RTTN: variants seen among roughly 807,000 people sequenced by gnomAD.
RTTN encodes the protein rotatin.
In RTTN, 182 loss-of-function variants were observed where a neutral mutation model predicts 269.2. The observed-to-expected ratio is 0.68, with a 90% CI of 0.60 to 0.76. The LOEUF is 0.76. RTTN is among the 30% of genes least tolerant of loss of function. The probability of loss-of-function intolerance (pLI) is 0.00; values close to 1 mark genes in which losing one functional copy is unlikely to be tolerated. For missense variants in RTTN, 2,545 were observed against 2,608.6 expected, an observed-to-expected ratio of 0.98 and a Z score of 0.53; for synonymous variants, 1,006 against 963.5, an observed-to-expected ratio of 1.04 and a Z score of -0.82.
chr18:70,095,998 G>GTT (rs111933421), intron 28 of RTTN, among the ~76,000 whole-genome samples: 1,802 of 138,070 alleles, frequency 0.013, 22 homozygotes, highest in South Asian at 0.04. Context: ...ATTCCCTTTT[G>GTT]TTTTTTTTTT....
At chr18:70,067,457 C>A (rs1371959896) in intron 34 of RTTN, among the ~76,000 whole-genome samples, 1 of 152,196 alleles carries the variant, frequency 6.6e-6, no homozygotes, top group Non-Finnish European at 1.5e-5. Context: ...CCGCGCCCAG[C>A]AAGCTTGTTT....
intron 46 of RTTN, among the ~76,000 whole-genome samples, chr18:70,010,304 G>A (rs781681160): frequency 2.6e-5 from 4 of 152,070 alleles, no homozygotes; most frequent in East Asian, 1.9e-4. Context: ...GCACCACATC[G>A]CACTTATTCT....
At chr18:70,178,493 C>T (rs1224376682) in intron 10 of RTTN, among the ~76,000 whole-genome samples, 1 of 151,948 alleles carries the variant, frequency 6.6e-6, no homozygotes, top group Non-Finnish European at 1.5e-5. Flanking sequence ...AATGGTTGTA[C>T]AACAATGTCA....
chr18:70,054,916 A>G (rs185532552), intron 37 of RTTN, among the ~76,000 whole-genome samples: 3 of 152,344 alleles, frequency 2.0e-5, no homozygotes, highest in Admixed American at 6.5e-5. Flanking sequence ...CATAAAGTCT[A>G]TAATTTTGTA....
At position 70,088,139 on chromosome 18, in the gene RTTN, G is replaced by C. The variant is rs1473243470; in HGVS notation, c.4152C>G (p.Phe1384Leu). 6.2e-7 allele frequency: 1 copy of C among 1,608,462 alleles called. No individual in the cohort carries two copies. Among genetic ancestry groups the C allele is most frequent in the African/African-American group, 1.3e-5 (1 of 74,654 alleles). ...LWVDRDPEVR[F>L]TSLGLGSALT... ...GTGCTGATCCTAATCCCAGTGAAGTGAATCTCACCTGTTCAAATTAAAGAG... is the reference window on the plus strand; with the variant it reads ...GTGCTGATCCTAATCCCAGTGAAGTCAATCTCACCTGTTCAAATTAAAGAG... The change falls in exon 31 of 49, where the codon TTC becomes TTG. Residue 1384 changes from phenylalanine to leucine, a missense_variant. Transcript: ENST00000640769.
chr18:70,133,227 C>T (rs547154341), intron 23 of RTTN, among the ~76,000 whole-genome samples: 2 of 152,218 alleles, frequency 1.3e-5, no homozygotes, highest in African/African-American at 2.4e-5. Flanking sequence ...CTACTGCAGT[C>T]GTGTGAGTTT....
chr18:70,149,084 T>G, intron 16 of RTTN, 47 bp from the exon 17 acceptor site: 13 of 1,513,428 alleles, frequency 8.6e-6, no homozygotes, highest in African/African-American at 1.4e-5. Flanking sequence ...ATTGTATACA[T>G]AACTTTTCAA....
At chr18:70,161,826 T>G (rs2060839510) in intron 14 of RTTN, among the ~76,000 whole-genome samples, 2 of 152,148 alleles carry the variant, frequency 1.3e-5, no homozygotes, top group South Asian at 4.1e-4. Flanking sequence ...GAATGGCTAT[T>G]ATTAAAAAGT....
intron 3 of RTTN, among the ~76,000 whole-genome samples, chr18:70,202,203 C>T (rs1005324241): frequency 6.6e-6 from 1 of 152,154 alleles, no homozygotes; most frequent in African/African-American, 2.4e-5. Flanking sequence ...CTCACTTTTA[C>T]TGTTAGCCAA....
chr18:70,060,427 T>C (rs1199300362), intron 35 of RTTN, among the ~76,000 whole-genome samples: 1 of 152,212 alleles, frequency 6.6e-6, no homozygotes, highest in Non-Finnish European at 1.5e-5. Flanking sequence ...ATCTTTAGGT[T>C]TTCTTCAGAG....
intron 9 of RTTN, among the ~76,000 whole-genome samples, chr18:70,188,462 T>C (rs2061597500): frequency 6.6e-6 from 1 of 152,224 alleles, no homozygotes; most frequent in Non-Finnish European, 1.5e-5. Flanking sequence ...GGAAAAGATA[T>C]TGAAAGTAGC....
chr18:70,176,731 T>C lies in RTTN; in HGVS notation c.1420A>G (p.Ile474Val), dbSNP rs748199686. 6.2e-7 allele frequency: 1 copy of C among 1,614,092 alleles called. No homozygotes were observed. Among genetic ancestry groups the C allele is most frequent in the South Asian group, 1.1e-5 (1 of 91,058 alleles). Reference protein sequence around the residue: ...VMLVHHRMAFISISLFAVRLL... With the variant: ...VMLVHHRMAFVSISLFAVRLL... ...CGAACTGCAAACAGGGAAATGCTGA[T>C]AAAGGCCATTCTGTGGTGCACAAGC... Residue 474 changes from isoleucine (I) to valine (V), a missense_variant, in exon 11 of 49, where the codon ATC (isoleucine) becomes GTC (valine). Physicochemically the swap from Ile to Val is conservative, Grantham distance 29 (BLOSUM62 3). Coordinates refer to ENST00000640769, the MANE Select transcript of RTTN (RefSeq NM_173630.4).
Position 70,127,578 on chromosome 18 carries a change from T to C in RTTN, c.3307A>G (p.Arg1103Gly). The C allele has an allele frequency of 6.2e-7, 1 of 1,613,530 alleles. No individual in the cohort carries two copies. The highest frequency in any genetic ancestry group is 2.2e-5 in the East Asian group (1 of 44,864). Residue 1103 changes from arginine (R) to glycine (G), a missense_variant, in exon 25 of 49, where the codon AGA becomes GGA. By Grantham distance (125) the Arg-to-Gly change is moderately radical. Coordinates refer to ENST00000640769, the MANE Select transcript of RTTN (RefSeq NM_173630.4). ...CCAGGGCAACCCTTTAAAGACAATC[T>C]GTCATTCAGAAGATAAAAACTCATC... Reference protein sequence around the residue: ...TRMSFYLLNDRLSLKGCPGPC... With the variant: ...TRMSFYLLNDGLSLKGCPGPC...
chr18:70,193,281 C>T lies in RTTN; in HGVS notation c.1007+7G>A, dbSNP rs2061724706. 6.2e-7 allele frequency: 1 copy of T among 1,607,428 alleles called. No homozygotes were observed. The highest frequency in any genetic ancestry group is 1.7e-5 in the Admixed American group (1 of 59,052). The stretch of plus-strand genomic sequence containing the variant: ...CTCATTTCCCCAGAGACACTGCTAG[C>T]AGTCACCTAGAGGACGCTGCATCCC... On this transcript the variant is annotated splice_region_variant and intron_variant, in intron 8 of 48. Coordinates refer to ENST00000640769, the MANE Select transcript of RTTN (RefSeq NM_173630.4).
At position 70,059,857 on chromosome 18, in the gene RTTN, G is replaced by A. The variant is rs751526226; in HGVS notation, c.4933C>T (p.Leu1645Phe). Residue 1645 changes from leucine to phenylalanine, a missense_variant, in exon 36 of 49, where the codon CTC becomes TTC. Leu to Phe is a conservative substitution (Grantham distance 22). Coordinates refer to ENST00000640769, the MANE Select transcript of RTTN (RefSeq NM_173630.4). ...AFRQAHLIELLCSIADATLIQ... is the reference protein window; with the variant it reads ...AFRQAHLIELFCSIADATLIQ... ...GGAGTATTTATCTCTTACCTACAGAGAAGTTCTATGAGATGAGCTTGTCGA... is the reference window on the plus strand; with the variant it reads ...GGAGTATTTATCTCTTACCTACAGAAAAGTTCTATGAGATGAGCTTGTCGA... 5 of 1,598,478 alleles carry A rather than the reference G, an allele frequency of 3.1e-6. No individual in the cohort carries two copies. In the East Asian group the frequency reaches 1.1e-4, roughly 36 times the overall value.
chr18:70,169,297 C>T (rs943745027), intron 11 of RTTN, among the ~76,000 whole-genome samples: 3 of 152,144 alleles, frequency 2.0e-5, no homozygotes, highest in African/African-American at 7.2e-5. Flanking sequence ...AACTCTTTCT[C>T]AAAGCCTAAG....
chr18:70,159,410 TATCAGA>T (rs2060768591), intron 14 of RTTN, among the ~76,000 whole-genome samples: 1 of 151,966 alleles, frequency 6.6e-6, no homozygotes, highest in African/African-American at 2.4e-5. Flanking sequence ...AAACACAATA[TATCAGA>T]ATCTTTAGAA....
chr18:70,073,613 C>A (rs1233623963), intron 34 of RTTN, among the ~76,000 whole-genome samples: 1 of 152,106 alleles, frequency 6.6e-6, no homozygotes, highest in Non-Finnish European at 1.5e-5. Flanking sequence ...GTAGCTATAC[C>A]GTAGCAAGAC....
chr18:70,180,778 T>C (rs2061406451), intron 10 of RTTN, among the ~76,000 whole-genome samples: 1 of 152,144 alleles, frequency 6.6e-6, no homozygotes, highest in Non-Finnish European at 1.5e-5. Flanking sequence ...AAATAGTGCT[T>C]AGTGTCTGAC....
Sources: gnomAD v4.1 joint callset for allele counts (sites outside exome capture counted in the v4.1 genomes callset) on GRCh38, gnomAD v4.1.1 for gene constraint, MANE v1.5 for transcripts, NCBI Gene and HGNC (gene_info 2026-07-23, HGNC 2026-07-21) for gene names.